The following PHACTR3 variants were observed in gnomAD, a reference collection of about 807,000 sequenced individuals.
The protein encoded by PHACTR3 is protein phosphatase 1, regulatory subunit 123.
Under a neutral mutation model 66.8 loss-of-function variants are expected in PHACTR3, and 16 were observed. The observed-to-expected ratio is 0.24, with a 90% CI of 0.16 to 0.36. The LOEUF is 0.36. Ranked by LOEUF, PHACTR3 falls within the 10% of genes least tolerant of loss-of-function variation. The pLI, the probability that PHACTR3 is intolerant of heterozygous loss-of-function variation, is 1.00. For missense variants in PHACTR3, 647 were observed against 719.9 expected (o/e 0.90, Z 1.16); for synonymous variants, 323 against 292.1 (o/e 1.11, Z -1.08).
At chr20:59,658,408 A>T (rs1254761272) in intron 1 of PHACTR3, among the ~76,000 whole-genome samples, 3 of 150,810 alleles carry the variant, frequency 2.0e-5, no homozygotes, top group South Asian at 4.2e-4. Context: ...GTTTTAGTAG[A>T]TAATATATTT....
chr20:59,784,368 T>C (rs933313026), intron 7 of PHACTR3, among the ~76,000 whole-genome samples: 2 of 152,082 alleles, frequency 1.3e-5, no homozygotes, highest in Non-Finnish European at 1.5e-5. Flanking sequence ...AACATGTATG[T>C]GTATGCATAT....
At chr20:59,825,772 A>G (rs565804961) in intron 8 of PHACTR3, among the ~76,000 whole-genome samples, 1 of 152,286 alleles carries the variant, frequency 6.6e-6, no homozygotes, top group Non-Finnish European at 1.5e-5. Context: ...GGTGGGAATC[A>G]GCTTGGCATG....
chr20:59,784,201 C>T (rs1571213), intron 7 of PHACTR3, among the ~76,000 whole-genome samples: 111,471 of 151,980 alleles, frequency 0.73, 45,669 homozygotes, highest in Non-Finnish European at 0.92. Context: ...CCACTCCAGC[C>T]GCTGGCCTGC....
intron 3 of PHACTR3, among the ~76,000 whole-genome samples, chr20:59,750,334 C>T (rs192612878): frequency 5.7e-4 from 87 of 152,170 alleles, no homozygotes; most frequent in African/African-American, 1.9e-3. Flanking sequence ...AACCCTCCAC[C>T]GCTCAGGCAG....
upstream of PHACTR3, among the ~76,000 whole-genome samples, chr20:59,601,298 G>A (rs1191445213): frequency 6.6e-6 from 1 of 152,238 alleles, no homozygotes; most frequent in Non-Finnish European, 1.5e-5. Context: ...GCACATGTCA[G>A]TACGTCCCTC....
intron 1 of PHACTR3, among the ~76,000 whole-genome samples, chr20:59,638,757 T>C (rs1048295601): frequency 6.9e-6 from 1 of 145,650 alleles, no homozygotes; most frequent in Non-Finnish European, 1.5e-5. Flanking sequence ...GATGGATGGA[T>C]GGATGGGTAG....
chr20:59,605,123 G>A lies in PHACTR3; in HGVS notation c.109G>A (p.Glu37Lys), dbSNP rs1600897500. Residue 37 changes from glutamate to lysine, a missense_variant, in exon 1 of 13, where the codon GAG (glutamate) becomes AAG (lysine). Glu to Lys is a moderately conservative substitution (Grantham distance 56). Transcript: ENST00000371015. Reference sequence around the variant, plus strand: ...GGCCACCTCCTCCGCGGACGCCGGGGAGAACCCAGGTAACGGGCTGGGCGG... The same window carrying A: ...GGCCACCTCCTCCGCGGACGCCGGGAAGAACCCAGGTAACGGGCTGGGCGG... ...SSATSSADAG[E>K]NPDEMDQTPP... 1 of 1,289,752 alleles carries A rather than the reference G, an allele frequency of 7.8e-7. No individual in the cohort carries two copies. Among genetic ancestry groups the A allele is most frequent in the East Asian group, 3.2e-5 (1 of 31,178 alleles). 79.9% of individuals were successfully genotyped at this position (1,289,752 alleles called of 1,614,324 possible).
In PHACTR3 at chr20:59,829,979, C is replaced by T. The variant is rs538773400; in HGVS notation, c.1329-6526C>T. Among the ~76,000 whole-genome samples the T allele has an allele frequency of 6.6e-6, 1 of 152,248 alleles. No homozygotes were observed. The highest frequency in any genetic ancestry group is 6.5e-5 in the Admixed American group (1 of 15,306). On this transcript the variant is annotated intron_variant, in intron 8 of 12. Coordinates refer to ENST00000371015, the MANE Select transcript of PHACTR3 (RefSeq NM_080672.5). The surrounding 1 kb of genome is among the most constrained non-coding windows in gnomAD (Gnocchi z 4.2). ...TGCTTCTCCTGACCCCGTGTCCTTC[C>T]ACTTCCTGAAATTACCTGCAGCCCC...
rs2038964054 is a variant in PHACTR3, at chr20:59,736,887, T to A, written c.119-6220T>A. Among the ~76,000 whole-genome samples, 1 of 152,132 alleles carries A rather than the reference T, an allele frequency of 6.6e-6. No homozygotes were observed. The highest frequency in any genetic ancestry group is 1.5e-5 in the Non-Finnish European group (1 of 68,004). On this transcript the variant is annotated intron_variant, in intron 1 of 12. Transcript: ENST00000371015. This position sits in a 1 kb window ranked among gnomAD's most constrained non-coding sequence, Gnocchi z 4.6. ...AGAGGGAATTTCCTCCCAAGGGGGA[T>A]GCAGAGCAGCACAGCCTGGGGCCCC...
intron 1 of PHACTR3, among the ~76,000 whole-genome samples, chr20:59,724,612 G>T (rs1359850005): frequency 1.3e-5 from 2 of 152,220 alleles, no homozygotes; most frequent in East Asian, 3.9e-4. Flanking sequence ...GAAGCCTAGT[G>T]CATATAACCA....
At chr20:59,655,067 T>G (rs886473980) in intron 1 of PHACTR3, among the ~76,000 whole-genome samples, 2 of 152,076 alleles carry the variant, frequency 1.3e-5, no homozygotes, top group Non-Finnish European at 2.9e-5. Flanking sequence ...CGGATCTATG[T>G]TTTTATTTTA....
chr20:59,633,568 T>G (rs1201725677), intron 1 of PHACTR3, among the ~76,000 whole-genome samples: 1 of 152,214 alleles, frequency 6.6e-6, no homozygotes, highest in Non-Finnish European at 1.5e-5. Context: ...CCATGGCACA[T>G]GTATACCTAT....
chr20:59,833,613 G>A (rs1189717626), intron 8 of PHACTR3, among the ~76,000 whole-genome samples: 2 of 152,124 alleles, frequency 1.3e-5, no homozygotes, highest in African/African-American at 4.8e-5. Context: ...GACATTTGGG[G>A]TACTTCTCAG....
At chr20:59,582,141 C>A (rs2032881297) in intron 1 of PHACTR3, among the ~76,000 whole-genome samples, 1 of 152,224 alleles carries the variant, frequency 6.6e-6, no homozygotes. Flanking sequence ...TCGCCCTTCC[C>A]CAGGGAAGCC....
At chr20:59,742,411 T>C (rs2039198699) in intron 1 of PHACTR3, among the ~76,000 whole-genome samples, 1 of 152,136 alleles carries the variant, frequency 6.6e-6, no homozygotes, top group Non-Finnish European at 1.5e-5. Flanking sequence ...AACATGGCCG[T>C]TTCATGGACA....
At chr20:59,840,613 G>A (rs373978163) in intron 10 of PHACTR3, among the ~76,000 whole-genome samples, 183 bp downstream of exon 10, 148 of 152,308 alleles carry the variant, frequency 9.7e-4, no homozygotes, top group African/African-American at 3.0e-3. Flanking sequence ...TCCCTCTGAC[G>A]TTCCCTATGG....
intron 1 of PHACTR3, among the ~76,000 whole-genome samples, chr20:59,659,618 G>A (rs1026113774): frequency 1.4e-4 from 21 of 152,006 alleles, no homozygotes; most frequent in African/African-American, 4.6e-4. Flanking sequence ...TGATTTGCCT[G>A]CCTCAGCCTC....
chr20:59,756,426 G>GCCACACAAGGGTGGCA (rs1370438685), intron 4 of PHACTR3, among the ~76,000 whole-genome samples: 3 of 152,184 alleles, frequency 2.0e-5, no homozygotes, highest in Non-Finnish European at 4.4e-5. Context: ...ACTTCCTTCT[G>GCCACACAAGGGTGGCA]CCACACAAGG....
chr20:59,826,841 G>C (rs1232534198), intron 8 of PHACTR3, among the ~76,000 whole-genome samples: 2 of 152,290 alleles, frequency 1.3e-5, no homozygotes, highest in East Asian at 3.9e-4. Flanking sequence ...GGCAGGGCTG[G>C]GTGTCACTGT....
Sources: gnomAD v4.1 joint callset for allele counts (sites outside exome capture counted in the v4.1 genomes callset) on GRCh38, gnomAD v4.1.1 for gene constraint, Gnocchi (gnomAD v3.1) non-coding constraint, MANE v1.5 for transcripts, NCBI Gene and HGNC (gene_info 2026-07-23, HGNC 2026-07-21) for gene names.